The following NF1 variants were observed in gnomAD, a reference collection of about 807,000 sequenced individuals.
NF1 encodes neurofibromin.
Under a neutral mutation model 325.7 loss-of-function variants are expected in NF1, and 122 were observed. The observed-to-expected ratio is 0.37, with a 90% CI of 0.32 to 0.44. The LOEUF is 0.44. NF1 is among the 20% of genes least tolerant of loss of function. The pLI, the probability that NF1 is intolerant of heterozygous loss-of-function variation, is 1.00. For synonymous variants in NF1, 1,091 were observed against 1,186.0 expected (o/e 0.92, Z 1.65); for missense variants, 2,140 against 3,415.4 (o/e 0.63, Z 9.31).
chr17:31,142,822 G>T (rs756593090), intron 1 of NF1, among the ~76,000 whole-genome samples: 3 of 151,540 alleles, frequency 2.0e-5, no homozygotes, highest in African/African-American at 7.3e-5. Flanking sequence ...AACCGAGATC[G>T]CGCCACTGTA....
chr17:31,130,758 G>T (rs1395393759), intron 1 of NF1, among the ~76,000 whole-genome samples: 1 of 152,200 alleles, frequency 6.6e-6, no homozygotes, highest in African/African-American at 2.4e-5. Context: ...GTGCTTGCAC[G>T]CATGTGTGCT....
chr17:31,204,807 A>T (rs558614733), intron 11 of NF1, among the ~76,000 whole-genome samples: 308 of 152,232 alleles, frequency 2.0e-3, no homozygotes, highest in Non-Finnish European at 3.5e-3. Context: ...CTTTGTTATT[A>T]TTCAGCTTTT....
chr17:31,361,505 CT>C (rs2070400383), intron 57 of NF1: 2 of 152,086 alleles, frequency 1.3e-5, no homozygotes. Context: ...TGAAGGAAAG[CT>C]TTTGTTATGG....
At chr17:31,160,702 G>A (rs756325561) in intron 3 of NF1, among the ~76,000 whole-genome samples, 32 of 152,280 alleles carry the variant, frequency 2.1e-4, no homozygotes, top group African/African-American at 6.7e-4. Context: ...ATGGTGGGGC[G>A]TGGGGTCATA....
At chr17:31,290,030 A>G (rs1488776139) in intron 36 of NF1, among the ~76,000 whole-genome samples, 1 of 152,092 alleles carries the variant, frequency 6.6e-6, no homozygotes, top group Non-Finnish European at 1.5e-5. Context: ...GTATCTTGTA[A>G]ACATTCTTTT....
At chr17:31,346,231 T>G in intron 48 of NF1, 10 of 1,610,696 alleles carry the variant, frequency 6.2e-6, no homozygotes, top group Non-Finnish European at 6.8e-6. Flanking sequence ...GGTCATTCAT[T>G]CAGTAGTGTG....
intron 51 of NF1, among the ~76,000 whole-genome samples, chr17:31,355,276 G>A (rs1408488263): frequency 2.0e-5 from 3 of 152,194 alleles, no homozygotes; most frequent in Non-Finnish European, 4.4e-5. Context: ...GGAAAGCACT[G>A]ACTGGTTTTA....
intron 8 of NF1, among the ~76,000 whole-genome samples, chr17:31,194,870 A>C (rs1028293766): frequency 6.6e-5 from 10 of 152,174 alleles, no homozygotes; most frequent in Admixed American, 3.9e-4. Flanking sequence ...TGCTTAATAA[A>C]ACATTTCCTT....
chr17:31,249,889 TA>T (rs1050247678), intron 30 of NF1: 51 of 470,840 alleles, frequency 1.1e-4, no homozygotes, highest in African/African-American at 3.4e-4. Context: ...GAATTTGGGA[TA>T]GGGGTGGATA....
At chr17:31,200,956 T>TG (rs2066516966) in intron 9 of NF1, 81 bp from the exon 10 acceptor site, 4 of 1,580,368 alleles carry the variant, frequency 2.5e-6, no homozygotes, top group Non-Finnish European at 3.5e-6. Flanking sequence ...GTGTGGGTAA[T>TG]GTGTTGATGT....
At chr17:31,104,482 A>G (rs1912671341) in intron 1 of NF1, among the ~76,000 whole-genome samples, 1 of 152,218 alleles carries the variant, frequency 6.6e-6, no homozygotes, top group South Asian at 2.1e-4. Context: ...TGGGATCAAT[A>G]CCGAAGCAGA....
intron 5 of NF1, among the ~76,000 whole-genome samples, chr17:31,172,904 T>C (rs2065954853): frequency 6.6e-6 from 1 of 152,102 alleles, no homozygotes; most frequent in Non-Finnish European, 1.5e-5. Flanking sequence ...TATGCAGTAA[T>C]ATAAGTGAAA....
At chr17:31,141,838 G>T (rs1044197950) in intron 1 of NF1, among the ~76,000 whole-genome samples, 5 of 152,130 alleles carry the variant, frequency 3.3e-5, no homozygotes, top group Non-Finnish European at 7.3e-5. Flanking sequence ...TTGGGAGGAG[G>T]ACTTAATTCC....
chr17:31,137,499 G>A (rs897898437), intron 1 of NF1: 1 of 151,954 alleles, frequency 6.6e-6, no homozygotes, highest in Non-Finnish European at 1.5e-5. Flanking sequence ...TTTTCACATA[G>A]GGTCAAACCT....
chr17:31,215,704 C>T (rs777399413), intron 13 of NF1, among the ~76,000 whole-genome samples: 1 of 152,180 alleles, frequency 6.6e-6, no homozygotes, highest in African/African-American at 2.4e-5. Flanking sequence ...CATGTTTAAC[C>T]TTTGTTGAGC....
chr17:31,202,140 C>T (rs1295590936), intron 11 of NF1, among the ~76,000 whole-genome samples: 2 of 152,196 alleles, frequency 1.3e-5, no homozygotes, highest in African/African-American at 2.4e-5. Context: ...GACAGCAAAA[C>T]TATCAGATTT....
In NF1 at chr17:31,165,688, T is replaced by C. The variant is rs528826283; in HGVS notation, c.479+2312T>C. Among the ~76,000 whole-genome samples the C allele has an allele frequency of 2.4e-4, 37 of 152,208 alleles. No individual in the cohort carries two copies. In the South Asian group the frequency reaches 2.9e-3, roughly 12 times the overall value. On this transcript the variant is annotated intron_variant, in intron 4 of 57. Coordinates refer to ENST00000358273, the MANE Select transcript of NF1 (RefSeq NM_001042492.3). ...TCTTTAGGGGAAGATAGGCTATAGATTTATTTATTTTATGTTTTTGAGACA... is the reference window on the plus strand; with the variant it reads ...TCTTTAGGGGAAGATAGGCTATAGACTTATTTATTTTATGTTTTTGAGACA...
chr17:31,098,584 C>T (rs1911988025), intron 1 of NF1, among the ~76,000 whole-genome samples: 1 of 152,030 alleles, frequency 6.6e-6, no homozygotes, highest in East Asian at 1.9e-4. Context: ...CCATCGCTTA[C>T]ATTTTTATTG....
chr17:31,193,645 A>G (rs2066385792), intron 8 of NF1, among the ~76,000 whole-genome samples: 2 of 152,110 alleles, frequency 1.3e-5, no homozygotes, highest in South Asian at 4.2e-4. Context: ...AGAATATACA[A>G]GGAACTCTGA....
Sources: allele counts gnomAD v4.1 joint callset (sites outside exome capture counted in the v4.1 genomes callset), GRCh38; gene constraint gnomAD v4.1.1; transcripts MANE v1.5; gene names NCBI Gene and HGNC (gene_info 2026-07-23, HGNC 2026-07-21).